The following SLC6A4 variants were observed in gnomAD, a reference collection of about 807,000 sequenced individuals.
The protein encoded by SLC6A4 is sodium-dependent serotonin transporter.
In SLC6A4, 22 loss-of-function variants were observed where a neutral mutation model predicts 73.4. The observed-to-expected ratio is 0.30, with a 90% CI of 0.21 to 0.43. The LOEUF is 0.43. SLC6A4 is among the 20% of genes least tolerant of loss of function. The probability of loss-of-function intolerance (pLI) is 1.00; values close to 1 mark genes in which losing one functional copy is unlikely to be tolerated. For missense variants in SLC6A4, 593 were observed against 808.5 expected (o/e 0.73, Z 3.23); for synonymous variants, 270 against 315.5 (o/e 0.86, Z 1.53).
Position 30,198,446 on chromosome 17 carries a change from G to T in SLC6A4, c.*10C>A. 6.4e-7 allele frequency: 1 copy of T among 1,555,526 alleles called. No individual in the cohort carries two copies. Among genetic ancestry groups the T allele is most frequent in the Non-Finnish European group, 8.8e-7 (1 of 1,132,348 alleles). ...GTTGTGGAGAAGCCTTTTTCCTCTC[G>T]GTGAGTGTGTTACACAGCATTCAAG... On this transcript the variant is annotated 3_prime_UTR_variant, in exon 15 of 15. Coordinates refer to ENST00000650711, the MANE Select transcript of SLC6A4 (RefSeq NM_001045.6).
chr17:30,194,962 A>C lies in SLC6A4; in HGVS notation c.*3494T>G, dbSNP rs1255885524. On this transcript the variant is annotated 3_prime_UTR_variant, in exon 15 of 15. Transcript: ENST00000650711. ...CAAATTAGAGTTGGCTGGTGAAGAA[A>C]GTTTATTTTAGTAGCTTTAAAAAAA... is the stretch of plus-strand genomic sequence containing the variant. The C allele has an allele frequency of 1.3e-5, 2 of 152,236 alleles. No individual in the cohort carries two copies. The highest frequency in any genetic ancestry group is 4.8e-5 in the African/African-American group (2 of 41,464). 9.4% of individuals were successfully genotyped at this position (152,236 alleles called of 1,614,324 possible).
At chr17:30,230,139 AGG>A (rs1907065770) in intron 1 of SLC6A4, among the ~76,000 whole-genome samples, 6 of 151,924 alleles carry the variant, frequency 3.9e-5, no homozygotes, top group Non-Finnish European at 8.8e-5. Context: ...GAGGAGGAGG[AGG>A]AGGAGGAGGA....
chr17:30,233,651 T>C (rs953348390), intron 1 of SLC6A4, among the ~76,000 whole-genome samples: 5 of 152,340 alleles, frequency 3.3e-5, no homozygotes, highest in Admixed American at 6.5e-5. Flanking sequence ...CATTTAGAGC[T>C]GAGGACCACG....
intron 14 of SLC6A4, among the ~76,000 whole-genome samples, chr17:30,200,641 G>A (rs1260050499): frequency 6.6e-6 from 1 of 152,110 alleles, no homozygotes; most frequent in Non-Finnish European, 1.5e-5. Flanking sequence ...AGCAAGTCTG[G>A]TATTCATAAA....
intron 3 of SLC6A4, among the ~76,000 whole-genome samples, chr17:30,219,328 C>T (rs1872924): frequency 0.67 from 102,177 of 151,978 alleles, 37,263 homozygotes; most frequent in East Asian, 0.89. Context: ...ATCATAGTCA[C>T]CTAGATTCCT....
chr17:30,205,607 C>T (rs1906167895), intron 13 of SLC6A4, among the ~76,000 whole-genome samples: 1 of 152,174 alleles, frequency 6.6e-6, no homozygotes, highest in African/African-American at 2.4e-5. Context: ...CTGATAAGGT[C>T]ATAAGGAGCT....
chr17:30,203,832 G>A lies in SLC6A4; in HGVS notation c.1651-493C>T, dbSNP rs56133228. 1,011 of 162,356 alleles carry A rather than the reference G, an allele frequency of 6.2e-3. 12 individuals carry two copies. The highest frequency in any genetic ancestry group is 0.022 in the African/African-American group (908 of 41,728). The allele number at this position is 162,356 out of a possible 1,614,324, so 10.1% of individuals were successfully genotyped here. A position where few individuals can be genotyped will look rare whatever the true frequency, so the allele number is the denominator to read the frequency against. ...TGGCTGTGGTTGTTTTTGGTCAGAC[G>A]GAAGGTGCCTGATGTCCAGGAAAGA... On this transcript the variant is annotated intron_variant, in intron 13 of 14. Coordinates refer to ENST00000650711, the MANE Select transcript of SLC6A4 (RefSeq NM_001045.6).
intron 13 of SLC6A4, chr17:30,203,653 C>T (rs1906103165): frequency 3.3e-6 from 1 of 303,482 alleles, no homozygotes; most frequent in South Asian, 5.6e-5. Context: ...CAGCACAGGC[C>T]TCTGCCCAGG....
At chr17:30,215,861 A>G in intron 7 of SLC6A4, 147 bp from the exon 8 acceptor site, 1 of 771,014 alleles carries the variant, frequency 1.3e-6, no homozygotes, top group South Asian at 1.7e-5. Context: ...ATAGCCATAA[A>G]CCAAGTGCCA....
At position 30,217,420 on chromosome 17, in the gene SLC6A4, A is replaced by T. The variant is rs1334262281; in HGVS notation, c.699-116T>A. 12 of 1,023,850 alleles carry T rather than the reference A, an allele frequency of 1.2e-5. No individual in the cohort carries two copies. In the East Asian group the frequency reaches 2.8e-4, roughly 24 times the overall value. 63.4% of individuals were successfully genotyped at this position (1,023,850 alleles called of 1,614,324 possible). ...AAATGGACACGGTGCTGCTAGGACC[A>T]AGTGGTCACTGAGGCCCAGGAAGAG... is the stretch of plus-strand genomic sequence containing the variant. On this transcript the variant is annotated intron_variant, in intron 5 of 14. Transcript: ENST00000650711.
intron 13 of SLC6A4, 40 bp downstream of exon 13, chr17:30,207,692 T>G (rs1287319164): frequency 7.3e-7 from 1 of 1,373,120 alleles, no homozygotes; most frequent in East Asian, 2.3e-5. Flanking sequence ...GGGGGAAGTC[T>G]TTCGCCAGGG....
In SLC6A4 at chr17:30,206,694, C is replaced by T. The variant is rs1333629271; in HGVS notation, c.1650+1038G>A. On this transcript the variant is annotated intron_variant, in intron 13 of 14. Coordinates refer to ENST00000650711, the MANE Select transcript of SLC6A4 (RefSeq NM_001045.6). ...ACTTTACATTGCTAAGCCTCAATCT[C>T]CTTTTTTCTTTTCTTTTCTTTTTTT... 3.6e-5 allele frequency among the ~76,000 whole-genome samples: 4 copies of T among 110,582 alleles called. No homozygotes were observed. In the Admixed American group the frequency reaches 3.7e-4, roughly 10 times the overall value. 72.5% of individuals were successfully genotyped at this position (110,582 alleles called of 152,430 possible).
chr17:30,196,770 TTCC>T lies in SLC6A4; in HGVS notation c.*1683_*1685del, dbSNP rs1271098310. The T allele has an allele frequency of 6.6e-6, 1 of 152,350 alleles. No homozygotes were observed. The highest frequency in any genetic ancestry group is 2.4e-5 in the African/African-American group (1 of 41,446). 9.4% of individuals were successfully genotyped at this position (152,350 alleles called of 1,614,324 possible). A position where few individuals can be genotyped will look rare whatever the true frequency, so the allele number is the denominator to read the frequency against. On this transcript the variant is annotated 3_prime_UTR_variant, in exon 15 of 15. Coordinates refer to ENST00000650711, the MANE Select transcript of SLC6A4 (RefSeq NM_001045.6). The stretch of plus-strand genomic sequence containing the variant: ...ATATTTCCTAAATTCCCCACTTCTT[TTCC>T]TCTAGCAGTTCTGGGAAACTTCTCA...
At chr17:30,226,854 T>G (rs1392544490) in intron 1 of SLC6A4, among the ~76,000 whole-genome samples, 2 of 133,100 alleles carry the variant, frequency 1.5e-5, no homozygotes, top group Non-Finnish European at 3.1e-5. Flanking sequence ...GCCTGGGCGA[T>G]AGAGTGAGAC....
Position 30,215,590 on chromosome 17 carries a change from T to C in SLC6A4, c.1076+21A>G, listed in dbSNP as rs1451562555. ...CACTCACGCCACTTTCAAGCTTTGC[T>C]TGGGGACCCCAGATACTCACTGGTA... On this transcript the variant is annotated intron_variant, in intron 8 of 14. Transcript: ENST00000650711. The C allele has an allele frequency of 1.9e-6, 3 of 1,595,708 alleles. No individual in the cohort carries two copies. In the Admixed American group the frequency reaches 5.0e-5, roughly 27 times the overall value.
chr17:30,216,981 T>C (rs1395478285), intron 6 of SLC6A4, among the ~76,000 whole-genome samples, 185 bp downstream of exon 6: 2 of 152,164 alleles, frequency 1.3e-5, no homozygotes, highest in Non-Finnish European at 2.9e-5. Flanking sequence ...ATTAGAGACG[T>C]GAGCCACCAT....
chr17:30,213,625 C>G (rs1466563023), intron 8 of SLC6A4, among the ~76,000 whole-genome samples: 1 of 152,074 alleles, frequency 6.6e-6, no homozygotes, highest in East Asian at 1.9e-4. Context: ...GAATCTCCCT[C>G]CCACCTTTAA....
At chr17:30,227,702 G>A (rs1021198827) in intron 1 of SLC6A4, among the ~76,000 whole-genome samples, 6 of 152,084 alleles carry the variant, frequency 3.9e-5, no homozygotes, top group Non-Finnish European at 7.4e-5. Flanking sequence ...GCCCAGGTTG[G>A]TCTTGAACTC....
At chr17:30,228,297 C>T (rs1003545773) in intron 1 of SLC6A4, among the ~76,000 whole-genome samples, 2 of 152,158 alleles carry the variant, frequency 1.3e-5, no homozygotes, top group African/African-American at 4.8e-5. Context: ...TAAAGGCTGT[C>T]GTGGGAATTA....
Sources: allele counts gnomAD v4.1 joint callset (sites outside exome capture counted in the v4.1 genomes callset), GRCh38; gene constraint gnomAD v4.1.1; transcripts MANE v1.5; gene names NCBI Gene and HGNC (gene_info 2026-07-23, HGNC 2026-07-21).